The following ATRNL1 variants were observed in gnomAD, a reference collection of about 807,000 sequenced individuals.
ATRNL1 encodes the protein attractin like 1, also known as attractin-like protein 1.
In ATRNL1, 95 loss-of-function variants were observed where a neutral mutation model predicts 182.7. The ratio of observed to expected loss-of-function variants is 0.52; its 90% CI spans 0.44 to 0.62. ATRNL1 has a LOEUF of 0.62. Ranked by LOEUF, ATRNL1 falls within the 20% of genes least tolerant of loss-of-function variation. The pLI is 0.00. For missense variants in ATRNL1, 1,471 were observed against 1,679.5 expected (o/e 0.88, Z 2.17); for synonymous variants, 576 against 568.3 (o/e 1.01, Z -0.19).
At chr10:115,797,763 A>G (rs75492291) in intron 27 of ATRNL1, among the ~76,000 whole-genome samples, 3,664 of 152,250 alleles carry the variant, frequency 0.024, 73 homozygotes, top group Non-Finnish European at 0.037. Flanking sequence ...CTTCACTAAG[A>G]AGATGACATT....
At chr10:115,342,299 T>G (rs1355810832) in intron 19 of ATRNL1, among the ~76,000 whole-genome samples, 1 of 152,054 alleles carries the variant, frequency 6.6e-6, no homozygotes, top group Non-Finnish European at 1.5e-5. Flanking sequence ...GAAGGCCTTT[T>G]TTTTCCTGGT....
intron 26 of ATRNL1, among the ~76,000 whole-genome samples, chr10:115,553,787 T>C (rs1287215933): frequency 6.6e-6 from 1 of 151,466 alleles, no homozygotes; most frequent in East Asian, 1.9e-4. Context: ...AGTAATAATA[T>C]TAAACTGTAC....
chr10:115,655,252 GA>G (rs1317878650), intron 26 of ATRNL1, among the ~76,000 whole-genome samples: 1 of 151,876 alleles, frequency 6.6e-6, no homozygotes, highest in Non-Finnish European at 1.5e-5. Context: ...TTGATAACCG[GA>G]AAAAAAGGGC....
At chr10:115,389,785 A>G (rs1023332481) in intron 19 of ATRNL1, among the ~76,000 whole-genome samples, 19 of 151,718 alleles carry the variant, frequency 1.3e-4, no homozygotes, top group African/African-American at 4.6e-4. Flanking sequence ...AACTCTTTTC[A>G]TAATGACTAT....
At position 115,783,584 on chromosome 10, in the gene ATRNL1, T is replaced by C. The variant is rs76229925; in HGVS notation, c.3903+56229T>C. On this transcript the variant is annotated intron_variant, in intron 27 of 28. Transcript: ENST00000355044. ...AGTACCTACACATTTAAGATATTAT[T>C]GAGATAACCTTTGAGTTTTCACATT... is the stretch of plus-strand genomic sequence containing the variant. 1.1e-4 allele frequency among the ~76,000 whole-genome samples: 17 copies of C among 152,340 alleles called. No individual in the cohort carries two copies. In the East Asian group the frequency reaches 3.3e-3, roughly 29 times the overall value.
intron 19 of ATRNL1, among the ~76,000 whole-genome samples, chr10:115,372,563 A>G (rs1422154016): frequency 6.6e-6 from 1 of 152,220 alleles, no homozygotes; most frequent in Admixed American, 6.5e-5. Flanking sequence ...GGTATAAGAT[A>G]AAATTTCATT....
intron 13 of ATRNL1, among the ~76,000 whole-genome samples, chr10:115,272,561 T>A (rs967254026): frequency 2.0e-5 from 3 of 152,120 alleles, no homozygotes; most frequent in African/African-American, 4.8e-5. Flanking sequence ...GGAAGAAAAA[T>A]TTCGCTAATG....
intron 26 of ATRNL1, among the ~76,000 whole-genome samples, chr10:115,640,732 G>A (rs185786205): frequency 6.6e-5 from 10 of 151,980 alleles, no homozygotes; most frequent in South Asian, 2.1e-4. Flanking sequence ...TTGCCTGTTC[G>A]CTGATGATAA....
At chr10:115,747,796 A>T (rs1258306910) in intron 27 of ATRNL1, among the ~76,000 whole-genome samples, 1 of 152,020 alleles carries the variant, frequency 6.6e-6, no homozygotes, top group Non-Finnish European at 1.5e-5. Flanking sequence ...AGGGACTGGT[A>T]AGTTCAAGAT....
chr10:115,437,389 CA>C (rs1846452077), intron 21 of ATRNL1, among the ~76,000 whole-genome samples: 4 of 151,918 alleles, frequency 2.6e-5, no homozygotes, highest in Admixed American at 6.6e-5. Context: ...AGTCTGCTTT[CA>C]GTATGTAAAA....
At position 115,266,766 on chromosome 10, in the gene ATRNL1, T is replaced by C. The variant is rs782237173; in HGVS notation, c.1773-31T>C. 83 of 1,359,460 alleles carry C rather than the reference T, an allele frequency of 6.1e-5. 1 individual carries two copies. Among genetic ancestry groups the C allele is most frequent in the Non-Finnish European group, 6.7e-5 (66 of 980,384 alleles). 84.2% of individuals were successfully genotyped at this position (1,359,460 alleles called of 1,614,324 possible). ...AGTAGATAGGGACTTTTAATAGCGTTTCTTTAAGATTCTTGTTTTGTTTTT... is the reference window on the plus strand; with the variant it reads ...AGTAGATAGGGACTTTTAATAGCGTCTCTTTAAGATTCTTGTTTTGTTTTT... On this transcript the variant is annotated intron_variant, in intron 11 of 28. Transcript: ENST00000355044.
intron 26 of ATRNL1, among the ~76,000 whole-genome samples, chr10:115,710,864 A>G (rs188413420): frequency 2.0e-5 from 3 of 152,230 alleles, no homozygotes; most frequent in Non-Finnish European, 4.4e-5. Flanking sequence ...TAAAGCTATA[A>G]GTGAGTTAAG....
chr10:115,398,020 G>C (rs142325653), intron 20 of ATRNL1, among the ~76,000 whole-genome samples: 1 of 151,926 alleles, frequency 6.6e-6, no homozygotes, highest in African/African-American at 2.4e-5. Context: ...ATATTTGGCG[G>C]GGATTAGGTA....
chr10:115,582,716 GT>G (rs1159624733), intron 26 of ATRNL1, among the ~76,000 whole-genome samples: 1 of 149,582 alleles, frequency 6.7e-6, no homozygotes, highest in East Asian at 2.0e-4. Context: ...TCTGATGGTA[GT>G]TTCTTTTGCT....
Position 115,265,139 on chromosome 10 carries a change from G to C in ATRNL1, c.1688-54G>C, listed in dbSNP as rs879981076. On this transcript the variant is annotated intron_variant, in intron 10 of 28. Coordinates refer to ENST00000355044, the MANE Select transcript of ATRNL1 (RefSeq NM_207303.4). ...GGCCAATGATGTTTTCATATTATTTGTCTTAGTTTATTCTTTTATTTCATT... is the reference window on the plus strand; with the variant it reads ...GGCCAATGATGTTTTCATATTATTTCTCTTAGTTTATTCTTTTATTTCATT... The C allele has an allele frequency of 3.7e-5, 43 of 1,153,130 alleles. No homozygotes were observed. In the South Asian group the frequency reaches 5.2e-4, roughly 14 times the overall value. 71.4% of individuals were successfully genotyped at this position (1,153,130 alleles called of 1,614,324 possible). A position where few individuals can be genotyped will look rare whatever the true frequency, so the allele number is the denominator to read the frequency against.
At chr10:115,110,862 G>T (rs1844227141) in intron 1 of ATRNL1, among the ~76,000 whole-genome samples, 2 of 152,258 alleles carry the variant, frequency 1.3e-5, no homozygotes, top group South Asian at 4.1e-4. Flanking sequence ...ATAACACCTT[G>T]TGTACCTGTC....
intron 21 of ATRNL1, among the ~76,000 whole-genome samples, chr10:115,434,968 T>A (rs1217301031): frequency 6.6e-6 from 1 of 152,158 alleles, no homozygotes; most frequent in Admixed American, 6.5e-5. Context: ...TTTGAATGTT[T>A]GTTGCCTCCA....
chr10:115,144,698 G>A (rs1016791298), intron 5 of ATRNL1, among the ~76,000 whole-genome samples: 24 of 152,056 alleles, frequency 1.6e-4, no homozygotes, highest in Non-Finnish European at 7.4e-5. Flanking sequence ...TTAACTATCT[G>A]GTTATAAATT....
At chr10:115,126,057 T>G (rs1844959268) in intron 3 of ATRNL1, among the ~76,000 whole-genome samples, 1 of 152,218 alleles carries the variant, frequency 6.6e-6, no homozygotes, top group Non-Finnish European at 1.5e-5. Context: ...ATCTATTCTT[T>G]TTTGTTTGTT....
Sources: gnomAD v4.1 joint callset for allele counts (sites outside exome capture counted in the v4.1 genomes callset) on GRCh38, gnomAD v4.1.1 for gene constraint, MANE v1.5 for transcripts, NCBI Gene and HGNC (gene_info 2026-07-23, HGNC 2026-07-21) for gene names.